Variants in ALPK1 observed in about 807,000 individuals in gnomAD.
ALPK1 encodes the protein alpha kinase 1.
A neutral mutation model predicts 120.6 loss-of-function variants in ALPK1; 110 were observed. The observed-to-expected ratio is 0.91, with a 90% CI of 0.78 to 1.07. ALPK1 has a LOEUF of 1.07. ALPK1 is among the 50% of genes least tolerant of loss of function. The probability of loss-of-function intolerance (pLI) is 0.00; values close to 1 mark genes in which losing one functional copy is unlikely to be tolerated. For missense variants in ALPK1, 1,498 were observed against 1,483.9 expected (o/e 1.01, Z -0.16); for synonymous variants, 582 against 560.3 (o/e 1.04, Z -0.55).
chr4:112,405,778 C>CGG (rs1560673416), intron 4 of ALPK1, among the ~76,000 whole-genome samples: 2 of 152,042 alleles, frequency 1.3e-5, no homozygotes, highest in Non-Finnish European at 2.9e-5. Context: ...GGTTTCACTA[C>CGG]GTTGGCCAGG....
intron 2 of ALPK1, among the ~76,000 whole-genome samples, chr4:112,353,617 C>G (rs1422385072): frequency 6.6e-6 from 1 of 152,080 alleles, no homozygotes; most frequent in African/African-American, 2.4e-5. Flanking sequence ...CCTGTAATCT[C>G]AGCACTTTGG....
At chr4:112,359,105 G>C (rs1730788847) in intron 2 of ALPK1, 1 of 726,390 alleles carries the variant, frequency 1.4e-6, no homozygotes, top group Non-Finnish European at 2.6e-6. Context: ...ATCCCAAGCT[G>C]ACCCTGTCCA....
chr4:112,309,676 A>G lies in ALPK1; in HGVS notation c.-152-6125A>G, dbSNP rs1578450332. Among the ~76,000 whole-genome samples, 4 of 152,216 alleles carry G rather than the reference A, an allele frequency of 2.6e-5. 1 individual carries two copies. In the East Asian group the frequency reaches 7.7e-4, roughly 29 times the overall value. On this transcript the variant is annotated intron_variant, in intron 1 of 15. Coordinates refer to ENST00000650871, the MANE Select transcript of ALPK1 (RefSeq NM_025144.4). ...TCCTATTTGGCCACCTTCCAGCCAC[A>G]TCTTTTATTCCTCTCCAATACCCCA...
At chr4:112,428,752 G>T (rs192793674) in intron 9 of ALPK1, among the ~76,000 whole-genome samples, 1 of 152,264 alleles carries the variant, frequency 6.6e-6, no homozygotes, top group East Asian at 1.9e-4. Flanking sequence ...TCTAGAACAG[G>T]CCCTGGAATG....
chr4:112,305,655 C>T lies in ALPK1; in HGVS notation c.-153+8186C>T, dbSNP rs1224126322. Among the ~76,000 whole-genome samples the T allele has an allele frequency of 7.9e-5, 12 of 152,038 alleles. 1 individual carries two copies. The highest frequency in any genetic ancestry group is 2.9e-4 in the African/African-American group (12 of 41,344). ...AGTTTAAGGAGATTTTGGGCTGAGA[C>T]GATGGGGTTTTCCAGATATACAGTC... On this transcript the variant is annotated intron_variant, in intron 1 of 15. Coordinates refer to ENST00000650871, the MANE Select transcript of ALPK1 (RefSeq NM_025144.4).
At position 112,432,217 on chromosome 4, in the gene ALPK1, C is replaced by T. The variant is rs951576120; in HGVS notation, c.2670C>T (p.Ser890=). The T allele has an allele frequency of 3.1e-6, 5 of 1,614,208 alleles. No individual in the cohort carries two copies. The South Asian group carries it at 5.5e-5, about 18-fold the overall frequency. ...PPGQRAETPN[S]SVSGNILFPV... The stretch of plus-strand genomic sequence containing the variant: ...GTCAGAGGGCGGAGACCCCCAATTC[C>T]TCTGTAAGCGGTAACATCCTCTTCC... Residue 890 remains serine, a synonymous_variant, in exon 11 of 16, where the codon TCC becomes TCT. Coordinates refer to ENST00000650871, the MANE Select transcript of ALPK1 (RefSeq NM_025144.4).
At chr4:112,359,317 G>A (rs901738952) in intron 2 of ALPK1, 2 of 428,206 alleles carry the variant, frequency 4.7e-6, no homozygotes, top group African/African-American at 4.0e-5. Context: ...ACAGGCTGTA[G>A]CCAGCTCTTG....
chr4:112,360,143 T>C (rs1006249331), intron 2 of ALPK1, among the ~76,000 whole-genome samples: 13 of 152,282 alleles, frequency 8.5e-5, no homozygotes, highest in Non-Finnish European at 1.6e-4. Context: ...TCAACATTTT[T>C]AGATTTCACA....
chr4:112,303,312 T>A (rs760450471), intron 1 of ALPK1, among the ~76,000 whole-genome samples: 2 of 152,194 alleles, frequency 1.3e-5, no homozygotes, highest in Non-Finnish European at 2.9e-5. Flanking sequence ...TCCACAGGCA[T>A]CTCACTTCTA....
At chr4:112,435,000 T>C in intron 11 of ALPK1, 148 bp from the exon 12 acceptor site, 2 of 732,368 alleles carry the variant, frequency 2.7e-6, no homozygotes, top group South Asian at 3.7e-5. Context: ...ACTGTAGTTG[T>C]CATAGAAGAG....
intron 5 of ALPK1, among the ~76,000 whole-genome samples, chr4:112,422,431 G>A (rs542700059): frequency 7.2e-5 from 11 of 152,104 alleles, no homozygotes; most frequent in Non-Finnish European, 1.3e-4. Flanking sequence ...GTTACATTTT[G>A]CTACATTCCA....
intron 3 of ALPK1, among the ~76,000 whole-genome samples, chr4:112,379,632 G>T (rs1377756711): frequency 6.6e-6 from 1 of 152,226 alleles, no homozygotes; most frequent in African/African-American, 2.4e-5. Flanking sequence ...CCCAGAGAAA[G>T]GCATTAGTAC....
Position 112,438,615 on chromosome 4 carries a change from A to G in ALPK1, c.3320A>G (p.Gln1107Arg), listed in dbSNP as rs576582477. 11 of 1,613,850 alleles carry G rather than the reference A, an allele frequency of 6.8e-6. No homozygotes were observed. The South Asian group carries it at 1.2e-4, about 18-fold the overall frequency. Residue 1107 changes from glutamine (Q) to arginine (R), a missense_variant, in exon 13 of 16, where the codon CAG becomes CGG. Physicochemically the swap from Gln to Arg is conservative, Grantham distance 43. Transcript: ENST00000650871. ...CTCTATGAACAAAACATTCCCACCC[A>G]GATATTCTACATCCCATCCACAATA... Reference protein sequence around the residue: ...KRLYEQNIPTQIFYIPSTILL... With the variant: ...KRLYEQNIPTRIFYIPSTILL...
chr4:112,438,301 T>C (rs1042370595), intron 12 of ALPK1, among the ~76,000 whole-genome samples, 183 bp from the exon 13 acceptor site: 3 of 152,222 alleles, frequency 2.0e-5, no homozygotes, highest in Non-Finnish European at 2.9e-5. Flanking sequence ...TGTTCCATTG[T>C]TCAAGTAGCT....
Position 112,426,453 on chromosome 4 carries a change from C to CTTTT in ALPK1, c.623-7_623-4dup. ...CTCCCCTGTCCCTCTCCCCGCCCCT[C>CTTTT]TTTTTTTTTTCAGGGATGTGGTACG... is the stretch of plus-strand genomic sequence containing the variant. On this transcript the variant is annotated splice_polypyrimidine_tract_variant and intron_variant, in intron 7 of 15. Transcript: ENST00000650871. 1.4e-6 allele frequency: 2 copies of CTTTT among 1,451,294 alleles called. No homozygotes were observed. The highest frequency in any genetic ancestry group is 1.9e-6 in the Non-Finnish European group (2 of 1,062,930). The allele number at this position is 1,451,294 out of a possible 1,614,324, so 89.9% of individuals were successfully genotyped here. A position where few individuals can be genotyped will look rare whatever the true frequency, so the allele number is the denominator to read the frequency against.
At chr4:112,304,652 C>T (rs1481849432) in intron 1 of ALPK1, among the ~76,000 whole-genome samples, 1 of 151,930 alleles carries the variant, frequency 6.6e-6, no homozygotes, top group East Asian at 1.9e-4. Context: ...GGATATTAGC[C>T]CTTTGTCAAA....
chr4:112,326,515 A>C (rs1302528093), intron 2 of ALPK1, among the ~76,000 whole-genome samples: 1 of 152,152 alleles, frequency 6.6e-6, no homozygotes, highest in Middle Eastern at 3.2e-3. Context: ...GAATGAATAA[A>C]TCATACTGTG....
chr4:112,435,429 C>A lies in ALPK1; in HGVS notation c.3188+128C>A, dbSNP rs1175496209. On this transcript the variant is annotated intron_variant, in intron 12 of 15. Coordinates refer to ENST00000650871, the MANE Select transcript of ALPK1 (RefSeq NM_025144.4). ...CAAAATATATTTCCAGATTTCTACT[C>A]CTTTTTCTTTTCATTATTAATTAAT... The A allele has an allele frequency of 3.7e-6, 3 of 816,560 alleles. 1 individual carries two copies. The South Asian group carries it at 5.6e-5, about 15-fold the overall frequency. The allele number at this position is 816,560 out of a possible 1,614,324, so 50.6% of individuals were successfully genotyped here. A position where few individuals can be genotyped will look rare whatever the true frequency, so the allele number is the denominator to read the frequency against.
At chr4:112,349,545 A>C (rs1276507843) in intron 2 of ALPK1, among the ~76,000 whole-genome samples, 453 of 82,094 alleles carry the variant, frequency 5.5e-3, no homozygotes, top group Middle Eastern at 0.013. Flanking sequence ...TACCGCCCCA[A>C]CCCCTGCCCC....
Sources: allele counts gnomAD v4.1 joint callset (sites outside exome capture counted in the v4.1 genomes callset), GRCh38; gene constraint gnomAD v4.1.1; transcripts MANE v1.5; gene names NCBI Gene and HGNC (gene_info 2026-07-23, HGNC 2026-07-21).